Variants in CEP15 observed in about 807,000 individuals in gnomAD.
CEP15 encodes centrosomal protein 15.
chr3:62,333,167 C>T, the CEP15 span: 4 of 1,300,790 alleles, frequency 3.1e-6, no homozygotes, highest in South Asian at 4.9e-5. The surrounding 1 kb of genome is among the most constrained non-coding windows in gnomAD (Gnocchi z 4.0). Context: ...CGCATACACA[C>T]TCTTAAGTGA....
chr3:62,330,097 C>T, the CEP15 span, among the ~76,000 whole-genome samples: 1 of 152,136 alleles, frequency 6.6e-6, no homozygotes, highest in African/African-American at 2.4e-5. Context: ...ACAGCAGGTG[C>T]ATTAATGGTT....
chr3:62,327,217 G>T, the CEP15 span, among the ~76,000 whole-genome samples: 13 of 152,242 alleles, frequency 8.5e-5, no homozygotes, highest in East Asian at 2.3e-3. Context: ...TTGATCTAGA[G>T]CTGTGCTGTC....
At chr3:62,331,351 A>G in the CEP15 span, 1 of 1,613,070 alleles carries the variant, frequency 6.2e-7, no homozygotes, top group Non-Finnish European at 8.5e-7. Context: ...AAAAGTCACT[A>G]CAGACCAGGA....
At chr3:62,321,968 A>G in the CEP15 span, 1 of 1,607,300 alleles carries the variant, frequency 6.2e-7, no homozygotes, top group Non-Finnish European at 8.5e-7. The surrounding 1 kb of genome is among the most constrained non-coding windows in gnomAD (Gnocchi z 4.1). Flanking sequence ...CAAATGGAGA[A>G]TAAATTGGGT....
At chr3:62,334,451 A>G in the CEP15 span, 2 of 152,074 alleles carry the variant, frequency 1.3e-5, no homozygotes, top group African/African-American at 4.8e-5. This position sits in a 1 kb window ranked among gnomAD's most constrained non-coding sequence, Gnocchi z 4.9. Flanking sequence ...CCTTTAAACT[A>G]CCATCTTGGA....
At chr3:62,332,151 G>A in the CEP15 span, among the ~76,000 whole-genome samples, 43 of 152,100 alleles carry the variant, frequency 2.8e-4, no homozygotes, top group Non-Finnish European at 5.9e-4. Context: ...TTCTTTGTTT[G>A]ATTCTCCTAT....
chr3:62,323,809 T>C, the CEP15 span: 1 of 152,322 alleles, frequency 6.6e-6, no homozygotes, highest in East Asian at 1.9e-4. Flanking sequence ...AAAAATTTTT[T>C]AAAGTGTAAA....
the CEP15 span, among the ~76,000 whole-genome samples, chr3:62,325,972 C>G: frequency 2.0e-5 from 3 of 146,552 alleles, no homozygotes; most frequent in Non-Finnish European, 3.0e-5. Flanking sequence ...TTGCAGTGAG[C>G]GAGATTGTGC....
the CEP15 span, chr3:62,335,751 A>G: frequency 2.6e-4 from 40 of 152,144 alleles, 1 homozygote; most frequent in Admixed American, 9.2e-4. Context: ...TTTTTTTAGA[A>G]AAATGGAGTT....
At chr3:62,330,554 A>G in the CEP15 span, among the ~76,000 whole-genome samples, 1 of 152,194 alleles carries the variant, frequency 6.6e-6, no homozygotes, top group Non-Finnish European at 1.5e-5. Flanking sequence ...TTACCAGGGT[A>G]TGAATGAAGT....
At chr3:62,323,400 T>C in the CEP15 span, among the ~76,000 whole-genome samples, 1 of 152,148 alleles carries the variant, frequency 6.6e-6, no homozygotes, top group Non-Finnish European at 1.5e-5. Flanking sequence ...GTTGGATTCT[T>C]ACAAAAGAGC....
At chr3:62,320,176 C>G in the CEP15 span, among the ~76,000 whole-genome samples, 1 of 152,082 alleles carries the variant, frequency 6.6e-6, no homozygotes, top group Non-Finnish European at 1.5e-5. Context: ...AGTCTTAGTA[C>G]CAGCTGCTTG....
the CEP15 span, among the ~76,000 whole-genome samples, chr3:62,330,866 C>G: frequency 6.6e-6 from 1 of 152,108 alleles, no homozygotes; most frequent in Non-Finnish European, 1.5e-5. Context: ...CATTGATACA[C>G]TATTTACATC....
chr3:62,320,019 G>T, the CEP15 span, among the ~76,000 whole-genome samples: 3 of 152,212 alleles, frequency 2.0e-5, no homozygotes, highest in Non-Finnish European at 4.4e-5. Context: ...TTCCAATAAA[G>T]GAAAGACCTT....
chr3:62,327,536 G>C, the CEP15 span, among the ~76,000 whole-genome samples: 4 of 152,296 alleles, frequency 2.6e-5, no homozygotes, highest in East Asian at 7.7e-4. Flanking sequence ...TTTGGGGGAA[G>C]AACATTTCCA....
At chr3:62,328,923 G>C in the CEP15 span, among the ~76,000 whole-genome samples, 2 of 148,476 alleles carry the variant, frequency 1.3e-5, no homozygotes, top group African/African-American at 5.0e-5. Context: ...TTTTCAGTCA[G>C]GCTAAGGAAT....
chr3:62,321,754 C>T, the CEP15 span, among the ~76,000 whole-genome samples: 3 of 152,116 alleles, frequency 2.0e-5, no homozygotes, highest in African/African-American at 7.2e-5. The surrounding 1 kb of genome is among the most constrained non-coding windows in gnomAD (Gnocchi z 4.1). Context: ...TGACTTAAGA[C>T]TTATTGAACT....
At chr3:62,329,846 G>C in the CEP15 span, among the ~76,000 whole-genome samples, 4 of 152,152 alleles carry the variant, frequency 2.6e-5, no homozygotes, top group Non-Finnish European at 5.9e-5. Context: ...AATTGGACTT[G>C]TGATTATTTT....
the CEP15 span, chr3:62,322,241 A>G: frequency 1.9e-6 from 1 of 526,498 alleles, no homozygotes; most frequent in African/African-American, 2.0e-5. This position sits in a 1 kb window ranked among gnomAD's most constrained non-coding sequence, Gnocchi z 5.5. Context: ...TTTTTAAATT[A>G]AAAAAATTGA....
Sources: gnomAD v4.1 joint callset for allele counts (sites outside exome capture counted in the v4.1 genomes callset) on GRCh38, gnomAD v4.1.1 for gene constraint, Gnocchi (gnomAD v3.1) non-coding constraint, MANE v1.5 for transcripts, NCBI Gene and HGNC (gene_info 2026-07-23, HGNC 2026-07-21) for gene names.